The following SIAH1 variants were observed in gnomAD, a reference collection of about 807,000 sequenced individuals.
SIAH1 encodes E3 ubiquitin-protein ligase SIAH1.
Under a neutral mutation model 20.0 loss-of-function variants are expected in SIAH1, and 2 were observed. That is an observed-to-expected ratio of 0.10 (90% CI 0.04 to 0.31). SIAH1 has a LOEUF of 0.31. SIAH1 is among the 10% of genes least tolerant of loss of function. The pLI is 1.00. For synonymous variants in SIAH1, 118 were observed against 125.3 expected, an observed-to-expected ratio of 0.94 and a Z score of 0.39; for missense variants, 119 against 355.3, an observed-to-expected ratio of 0.33 and a Z score of 5.35.
At position 48,360,786 on chromosome 16, in the gene SIAH1, T is replaced by TA. The variant is rs1960552853; in HGVS notation, c.*793dup. 6.6e-6 allele frequency: 1 copy of TA among 152,440 alleles called. No individual in the cohort carries two copies. The highest frequency in any genetic ancestry group is 6.5e-5 in the Admixed American group (1 of 15,282). The allele number at this position is 152,440 out of a possible 1,614,324, so 9.4% of individuals were successfully genotyped here. ...ATTTATTCTCTAACCTTTCAAAGAT[T>TA]AAGCTCAAAGGTGTGACTCATCTGT... On this transcript the variant is annotated 3_prime_UTR_variant, in exon 2 of 2. Transcript: ENST00000394725.
chr16:48,361,065 AAATTT>A lies in SIAH1; in HGVS notation c.*510_*514del, dbSNP rs1165604864. 6.5e-6 allele frequency: 1 copy of A among 152,720 alleles called. No individual in the cohort carries two copies. Among genetic ancestry groups the A allele is most frequent in the Non-Finnish European group, 1.5e-5 (1 of 68,224 alleles). 9.5% of individuals were successfully genotyped at this position (152,720 alleles called of 1,614,324 possible). On this transcript the variant is annotated 3_prime_UTR_variant, in exon 2 of 2. Coordinates refer to ENST00000394725, the MANE Select transcript of SIAH1 (RefSeq NM_003031.4). Reference sequence around the variant, plus strand: ...GAAAAACCTGAATTACAGAAAAGTCAAATTTATTTAATGAAAAACTAAAATTAATA... The same window carrying A: ...GAAAAACCTGAATTACAGAAAAGTCAATTTAATGAAAAACTAAAATTAATA...
intron 1 of SIAH1, among the ~76,000 whole-genome samples, chr16:48,384,635 G>A (rs1481488628): frequency 6.6e-6 from 1 of 151,596 alleles, no homozygotes; most frequent in African/African-American, 2.4e-5. Flanking sequence ...GCCCCGTCCC[G>A]GACGGCTCCA....
At position 48,362,656 on chromosome 16, in the gene SIAH1, G is replaced by T; in HGVS notation, c.-2-226C>A. On this transcript the variant is annotated intron_variant, in intron 1 of 1. Coordinates refer to ENST00000394725, the MANE Select transcript of SIAH1 (RefSeq NM_003031.4). The surrounding 1 kb of genome is among the most constrained non-coding windows in gnomAD (Gnocchi z 4.2). ...ATAAGCTCTCTTTTCAAAATGTTCC[G>T]GAAAACATGTGGAACTCCCTTAATC... 2.0e-6 allele frequency: 1 copy of T among 494,718 alleles called. No homozygotes were observed. Among genetic ancestry groups the T allele is most frequent in the Non-Finnish European group, 3.7e-6 (1 of 270,636 alleles). The allele number at this position is 494,718 out of a possible 1,614,324, so 30.6% of individuals were successfully genotyped here.
intron 1 of SIAH1, among the ~76,000 whole-genome samples, chr16:48,373,814 C>G (rs897094963): frequency 6.6e-6 from 1 of 152,250 alleles, no homozygotes; most frequent in African/African-American, 2.4e-5. Context: ...TATAAGGATA[C>G]AGTATGGTGC....
chr16:48,363,669 C>G (rs1207004152), intron 1 of SIAH1: 1 of 167,162 alleles, frequency 6.0e-6, no homozygotes, highest in Non-Finnish European at 1.5e-5. Flanking sequence ...ATGGAGTCAA[C>G]AGGTGAAGAA....
rs373089189 is a variant in SIAH1, at chr16:48,362,507, A to G, written c.-2-77T>C. On this transcript the variant is annotated intron_variant, in intron 1 of 1. Coordinates refer to ENST00000394725, the MANE Select transcript of SIAH1 (RefSeq NM_003031.4). This position sits in a 1 kb window ranked among gnomAD's most constrained non-coding sequence, Gnocchi z 4.2. Reference sequence around the variant, plus strand: ...ACTTTATAAATAATGTTTACATGCCATAAGTCCTTTTAAAGTTTCATACAA... The same window carrying G: ...ACTTTATAAATAATGTTTACATGCCGTAAGTCCTTTTAAAGTTTCATACAA... The G allele has an allele frequency of 1.3e-4, 185 of 1,427,552 alleles. 1 individual carries two copies. The East Asian group carries it at 2.3e-3, about 17-fold the overall frequency. 88.4% of individuals were successfully genotyped at this position (1,427,552 alleles called of 1,614,324 possible).
At chr16:48,376,128 A>G (rs1377889651) in intron 1 of SIAH1, among the ~76,000 whole-genome samples, 1 of 152,016 alleles carries the variant, frequency 6.6e-6, no homozygotes, top group Non-Finnish European at 1.5e-5. Context: ...TGTGAAGCAC[A>G]CCCAGACTAC....
intron 1 of SIAH1, among the ~76,000 whole-genome samples, chr16:48,379,395 C>T (rs1215829727): frequency 6.6e-6 from 1 of 152,146 alleles, no homozygotes; most frequent in African/African-American, 2.4e-5. Flanking sequence ...CACAGAGATG[C>T]TAAAGCAGTG....
In SIAH1 at chr16:48,377,051, T is replaced by C. The variant is rs557630004; in HGVS notation, c.-3+8153A>G. ...ACCATCACTAGACCAAGGTGGTCGA[T>C]GTGACACTAATAAATAACTATACCA... On this transcript the variant is annotated intron_variant, in intron 1 of 1. Coordinates refer to ENST00000394725, the MANE Select transcript of SIAH1 (RefSeq NM_003031.4). 3.7e-4 allele frequency among the ~76,000 whole-genome samples: 57 copies of C among 152,332 alleles called. 1 individual carries two copies. The highest frequency in any genetic ancestry group is 1.6e-3 in the Admixed American group (24 of 15,298).
chr16:48,379,049 C>T (rs1961185270), intron 1 of SIAH1, among the ~76,000 whole-genome samples: 1 of 152,206 alleles, frequency 6.6e-6, no homozygotes, highest in Admixed American at 6.5e-5. Context: ...AATCTTTTTA[C>T]AACACTTGCT....
Position 48,361,502 on chromosome 16 carries a change from G to A in SIAH1, c.*78C>T. 10 of 1,464,208 alleles carry A rather than the reference G, an allele frequency of 6.8e-6. No homozygotes were observed. The highest frequency in any genetic ancestry group is 9.5e-6 in the Non-Finnish European group (10 of 1,057,324). The allele number at this position is 1,464,208 out of a possible 1,614,324, so 90.7% of individuals were successfully genotyped here. ...CTTCCACCTACCGAAAGAGTTTTAG[G>A]TTGGCAGACAGATGGGTGCCTTATT... On this transcript the variant is annotated 3_prime_UTR_variant, in exon 2 of 2. Transcript: ENST00000394725.
At chr16:48,365,253 C>A in intron 1 of SIAH1, 1 of 866,640 alleles carries the variant, frequency 1.2e-6, no homozygotes, top group South Asian at 1.8e-5. Context: ...GAACAGCAGC[C>A]CAAATGAAAC....
At chr16:48,372,737 A>T (rs891382843) in intron 1 of SIAH1, among the ~76,000 whole-genome samples, 3 of 152,254 alleles carry the variant, frequency 2.0e-5, no homozygotes, top group Non-Finnish European at 2.9e-5. Context: ...CAGGGCAATT[A>T]AGGTATGCTT....
At chr16:48,371,912 T>G (rs983019028) in intron 1 of SIAH1, among the ~76,000 whole-genome samples, 2 of 152,142 alleles carry the variant, frequency 1.3e-5, no homozygotes, top group African/African-American at 4.8e-5. Flanking sequence ...TTTAAAACCT[T>G]ACTTATAAAA....
chr16:48,379,766 CAGAGTTCACAA>C (rs1402051858), intron 1 of SIAH1, among the ~76,000 whole-genome samples: 22 of 152,256 alleles, frequency 1.4e-4, no homozygotes, highest in African/African-American at 4.6e-4. Flanking sequence ...ATTCAATGTG[CAGAGTTCACAA>C]AGAGCTTCTC....
In SIAH1 at chr16:48,361,664, G is replaced by A. The variant is rs762954004; in HGVS notation, c.765C>T (p.Asp255=). The A allele has an allele frequency of 5.1e-5, 83 of 1,613,186 alleles. No homozygotes were observed. The highest frequency in any genetic ancestry group is 6.4e-5 in the Non-Finnish European group (75 of 1,179,252). ...EGIATAIMNS[D]CLVFDTSIAQ... ...CAATGCTGGTGTCAAAGACTAGACA[G>A]TCGCTATTCATAATGGCTGTTGCAA... The change falls in exon 2 of 2, where the codon GAC becomes GAT. Residue 255 remains aspartate, a synonymous_variant. Coordinates refer to ENST00000394725, the MANE Select transcript of SIAH1 (RefSeq NM_003031.4).
chr16:48,381,743 T>C (rs1961299877), intron 1 of SIAH1, among the ~76,000 whole-genome samples: 1 of 152,138 alleles, frequency 6.6e-6, no homozygotes, highest in Non-Finnish European at 1.5e-5. Context: ...AGATAAGTGG[T>C]TGGGGGTGTG....
intron 1 of SIAH1, among the ~76,000 whole-genome samples, chr16:48,380,640 C>T (rs976630044): frequency 2.0e-5 from 3 of 152,056 alleles, no homozygotes; most frequent in Non-Finnish European, 4.4e-5. Context: ...GATACCACTA[C>T]AGGCCAGGCG....
rs1961409959 is a variant in SIAH1, at chr16:48,384,996, T to C, written c.-3+208A>G. Reference sequence around the variant, plus strand: ...GCTCCAGGGGCGGGGGCGAGCCGGCTTGCGAAGGCTGAAGGCAGGGGAGGG... The same window carrying C: ...GCTCCAGGGGCGGGGGCGAGCCGGCCTGCGAAGGCTGAAGGCAGGGGAGGG... On this transcript the variant is annotated intron_variant, in intron 1 of 1. Coordinates refer to ENST00000394725, the MANE Select transcript of SIAH1 (RefSeq NM_003031.4). 2.0e-5 allele frequency among the ~76,000 whole-genome samples: 3 copies of C among 146,572 alleles called. No homozygotes were observed. In the East Asian group the frequency reaches 6.1e-4, roughly 30 times the overall value.
Sources: allele counts gnomAD v4.1 joint callset (sites outside exome capture counted in the v4.1 genomes callset), GRCh38; gene constraint gnomAD v4.1.1; non-coding constraint Gnocchi (gnomAD v3.1); transcripts MANE v1.5; gene names NCBI Gene and HGNC (gene_info 2026-07-23, HGNC 2026-07-21).